MELTF: variants seen among roughly 807,000 people sequenced by gnomAD.
The protein encoded by MELTF is antigen p97 (melanoma associated) identified by monoclonal antibodies 133.2 and 96.5.
MELTF carries 67 observed loss-of-function variants against 83.7 expected under a neutral mutation model. The observed-to-expected ratio is 0.80, with a 90% confidence interval of 0.66 to 0.98. The LOEUF is 0.98. MELTF is among the 50% of genes least tolerant of loss of function. MELTF has a pLI of 0.00. For missense variants in MELTF, 1,002 were observed against 1,035.6 expected (o/e 0.97, Z 0.44); for synonymous variants, 462 against 447.6 (o/e 1.03, Z -0.41).
At chr3:197,013,915 G>A (rs962427460) in intron 9 of MELTF, among the ~76,000 whole-genome samples, 6 of 152,218 alleles carry the variant, frequency 3.9e-5, no homozygotes, top group East Asian at 1.9e-4. Flanking sequence ...ATGTAAACCC[G>A]GACAGCCGCT....
chr3:197,001,783 C>T lies in MELTF; in HGVS notation c.*1589G>A, dbSNP rs919915049. On this transcript the variant is annotated 3_prime_UTR_variant, in exon 16 of 16. Coordinates refer to ENST00000296350, the MANE Select transcript of MELTF (RefSeq NM_005929.6). ...CCTCTGCATGTGCTGGCTTGTTTGG[C>T]TTTATTTTAGAAACCAACCAACATG... is the stretch of plus-strand genomic sequence containing the variant. 1.3e-5 allele frequency: 2 copies of T among 152,032 alleles called. No individual in the cohort carries two copies. Among genetic ancestry groups the T allele is most frequent in the South Asian group, 4.2e-4 (2 of 4,818 alleles). The allele number at this position is 152,032 out of a possible 1,614,324, so 9.4% of individuals were successfully genotyped here.
chr3:197,021,320 C>A (rs1719613421), intron 6 of MELTF, 84 bp downstream of exon 6: 1 of 1,369,120 alleles, frequency 7.3e-7, no homozygotes, highest in East Asian at 2.3e-5. Context: ...CGTTTGATCC[C>A]AACTCTGCCA....
intron 9 of MELTF, 141 bp from the exon 10 acceptor site, chr3:197,010,935 G>A (rs893166150): frequency 2.8e-6 from 2 of 706,714 alleles, no homozygotes; most frequent in Non-Finnish European, 4.9e-6. Flanking sequence ...TGGGTGGGGA[G>A]TACCCCATCC....
At position 197,029,530 on chromosome 3, in the gene MELTF, C is replaced by T. The variant is rs1577952848; in HGVS notation, c.49+124G>A. ...GTCCTCACTCGACCCCGAGCCCCTG[C>T]CTCCCCCGTCTCACTGCCCCGGAGC... On this transcript the variant is annotated intron_variant, in intron 1 of 15. Transcript: ENST00000296350. The surrounding 1 kb of genome is among the most constrained non-coding windows in gnomAD (Gnocchi z 6.5). The T allele has an allele frequency of 2.7e-6, 2 of 729,678 alleles. No homozygotes were observed. Among genetic ancestry groups the T allele is most frequent in the East Asian group, 3.4e-5 (1 of 29,200 alleles). 45.2% of individuals were successfully genotyped at this position (729,678 alleles called of 1,614,324 possible). A position where few individuals can be genotyped will look rare whatever the true frequency, so the allele number is the denominator to read the frequency against.
In MELTF at chr3:197,008,645, G is replaced by T; in HGVS notation, c.1750+12C>A. 6.2e-7 allele frequency: 1 copy of T among 1,612,796 alleles called. No individual in the cohort carries two copies. The highest frequency in any genetic ancestry group is 1.7e-5 in the Admixed American group (1 of 59,876). On this transcript the variant is annotated intron_variant, in intron 13 of 15. Transcript: ENST00000296350. This position sits in a 1 kb window ranked among gnomAD's most constrained non-coding sequence, Gnocchi z 5.4. ...CCGACCTACCTTTGGCCCTGCTCTT[G>T]CCCCCACCTACCGTTTGTGTTGTCA...
At position 197,006,977 on chromosome 3, in the gene MELTF, T is replaced by C. The variant is rs1719005789; in HGVS notation, c.1751-241A>G. 1.3e-5 allele frequency among the ~76,000 whole-genome samples: 2 copies of C among 152,206 alleles called. No individual in the cohort carries two copies. Among genetic ancestry groups the C allele is most frequent in the Admixed American group, 1.3e-4 (2 of 15,286 alleles). On this transcript the variant is annotated intron_variant, in intron 13 of 15. Transcript: ENST00000296350. This position sits in a 1 kb window ranked among gnomAD's most constrained non-coding sequence, Gnocchi z 5.4. ...AGCAGGGAGTAGGGAGTACCTACTATGTGACAAGTACTTTACACGCGTTGC... is the reference window on the plus strand; with the variant it reads ...AGCAGGGAGTAGGGAGTACCTACTACGTGACAAGTACTTTACACGCGTTGC...
chr3:197,027,370 G>A (rs1362635637), intron 2 of MELTF, among the ~76,000 whole-genome samples: 1 of 152,230 alleles, frequency 6.6e-6, no homozygotes, highest in Non-Finnish European at 1.5e-5. Flanking sequence ...ACCCACCTGG[G>A]AGTCCAGCCC....
rs183849405 is a variant in MELTF at position 197,007,402 on chromosome 3, C to T, written c.1751-666G>A. Among the ~76,000 whole-genome samples the T allele has an allele frequency of 2.4e-3, 359 of 152,314 alleles. 2 individuals are homozygous for T. Among genetic ancestry groups the T allele is most frequent in the African/African-American group, 8.1e-3 (337 of 41,552 alleles). On this transcript the variant is annotated intron_variant, in intron 13 of 15. Transcript: ENST00000296350. The surrounding 1 kb of genome is among the most constrained non-coding windows in gnomAD (Gnocchi z 4.3). Reference sequence around the variant, plus strand: ...CTCTGTGCATTCACTTAGTATCCATCCTCCTCCCATTTCCAGGAAATCCAG... The same window carrying T: ...CTCTGTGCATTCACTTAGTATCCATTCTCCTCCCATTTCCAGGAAATCCAG...
rs776410241 is a variant in MELTF, at chr3:197,003,919, G to A, written c.2119C>T (p.Gln707Ter). ...YVAALEGMSS[Q>*]QCSGAAAPAP... Reference sequence around the variant, plus strand: ...GTCCTACCTGCGCCCGAGCACTGCTGAGACGACATCCCTTCCAGCGCCGCC... The same window carrying A: ...GTCCTACCTGCGCCCGAGCACTGCTAAGACGACATCCCTTCCAGCGCCGCC... Residue 707 changes from glutamine (Q) to a stop codon, truncating the protein, a stop_gained, in exon 15 of 16, where the codon CAG becomes TAG. Coordinates refer to ENST00000296350, the MANE Select transcript of MELTF (RefSeq NM_005929.6). LOFTEE classifies it low-confidence loss of function (END_TRUNC). This position sits in a 1 kb window ranked among gnomAD's most constrained non-coding sequence, Gnocchi z 6.2. The A allele has an allele frequency of 5.0e-6, 8 of 1,613,820 alleles. No homozygotes were observed. Among genetic ancestry groups the A allele is most frequent in the Non-Finnish European group, 6.8e-6 (8 of 1,179,968 alleles).
Position 197,023,106 on chromosome 3 carries a change from G to A in MELTF, c.495C>T (p.Ser165=), listed in dbSNP as rs367779137. 6.2e-6 allele frequency: 10 copies of A among 1,613,466 alleles called. No homozygotes were observed. In the African/African-American group the frequency reaches 8.0e-5, roughly 13 times the overall value. The change falls in exon 5 of 16, where the codon AGC becomes AGT. Residue 165 remains serine, a synonymous_variant. Coordinates refer to ENST00000296350, the MANE Select transcript of MELTF (RefSeq NM_005929.6). ...VMGCDVLKAV[S]DYFGGSCVPG... The stretch of plus-strand genomic sequence containing the variant: ...GGACGCAGCTGCCCCCAAAATAGTC[G>A]CTGACAGCTGTGGGAAGGAGGTAGA...
Position 197,003,679 on chromosome 3 carries a change from G to A in MELTF, c.2137+222C>T. ...TCCTCCCCGCGCCGCCGTTTTGAGC[G>A]TTCACACTCATTACCCAGGTCCGTC... On this transcript the variant is annotated intron_variant, in intron 15 of 15. Transcript: ENST00000296350. The surrounding 1 kb of genome is among the most constrained non-coding windows in gnomAD (Gnocchi z 6.2). The A allele has an allele frequency of 1.5e-6, 1 of 667,986 alleles. No homozygotes were observed. Among genetic ancestry groups the A allele is most frequent in the Non-Finnish European group, 2.5e-6 (1 of 401,520 alleles). The allele number at this position is 667,986 out of a possible 1,614,324, so 41.4% of individuals were successfully genotyped here.
At chr3:197,019,692 C>T (rs768294207) in intron 6 of MELTF, 44 of 1,613,890 alleles carry the variant, frequency 2.7e-5, no homozygotes, top group Non-Finnish European at 3.2e-5. Context: ...GAGCCCATTT[C>T]CAGGCTTGCC....
chr3:197,005,205 G>T (rs1290699444), intron 14 of MELTF, among the ~76,000 whole-genome samples: 2 of 152,188 alleles, frequency 1.3e-5, no homozygotes, highest in African/African-American at 2.4e-5. Context: ...ACAACCAATG[G>T]GATCTGCTGA....
At chr3:197,026,514 A>C in intron 3 of MELTF, 146 bp downstream of exon 3, 1 of 657,582 alleles carries the variant, frequency 1.5e-6, no homozygotes, top group Non-Finnish European at 2.7e-6. Context: ...AATTTGAGAG[A>C]GCCTTAGGGC....
At position 197,016,474 on chromosome 3, in the gene MELTF, C is replaced by G. The variant is rs868281600; in HGVS notation, c.901-105G>C. The G allele has an allele frequency of 1.4e-5, 15 of 1,087,920 alleles. No individual in the cohort carries two copies. The Middle Eastern group carries it at 1.3e-3, about 97-fold the overall frequency. The allele number at this position is 1,087,920 out of a possible 1,614,324, so 67.4% of individuals were successfully genotyped here. On this transcript the variant is annotated intron_variant, in intron 7 of 15. Transcript: ENST00000296350. ...CCTTCTTCCCCGACCTCAGACCAGG[C>G]ACCCACCCTGAGGGCCAGGTGAGGC...
intron 9 of MELTF, among the ~76,000 whole-genome samples, chr3:197,012,914 T>C (rs145195479): frequency 2.3e-4 from 35 of 152,378 alleles, no homozygotes; most frequent in African/African-American, 8.2e-4. Context: ...GTGTCATATC[T>C]CTGTATATAA....
chr3:197,004,093 A>T lies in MELTF; in HGVS notation c.1945T>A (p.Phe649Ile), dbSNP rs1347786767. ...YGLLDKAQDL[F>I]GDDHNKNGFK... Reference sequence around the variant, plus strand: ...CCGTTCTTATTGTGGTCGTCTCCAAACAGGTCCTGGAAGCACCGCAGGCAG... The same window carrying T: ...CCGTTCTTATTGTGGTCGTCTCCAATCAGGTCCTGGAAGCACCGCAGGCAG... Residue 649 changes from phenylalanine to isoleucine, a missense_variant, in exon 15 of 16, where the codon TTT becomes ATT. Phe to Ile is a conservative substitution (Grantham distance 21). Coordinates refer to ENST00000296350, the MANE Select transcript of MELTF (RefSeq NM_005929.6). The T allele has an allele frequency of 6.2e-7, 1 of 1,614,096 alleles. No individual in the cohort carries two copies. Among genetic ancestry groups the T allele is most frequent in the Admixed American group, 1.7e-5 (1 of 60,028 alleles).
chr3:197,024,612 G>A lies in MELTF; in HGVS notation c.305-127C>T. 3 of 664,326 alleles carry A rather than the reference G, an allele frequency of 4.5e-6. No homozygotes were observed. Among genetic ancestry groups the A allele is most frequent in the Non-Finnish European group, 7.0e-6 (3 of 427,790 alleles). 41.2% of individuals were successfully genotyped at this position (664,326 alleles called of 1,614,324 possible). ...AGCACGGCTGTACACACGGATGTGT[G>A]CATAGCGTTCTCGTTACCAAGAGAG... is the stretch of plus-strand genomic sequence containing the variant. On this transcript the variant is annotated intron_variant, in intron 3 of 15. Coordinates refer to ENST00000296350, the MANE Select transcript of MELTF (RefSeq NM_005929.6). The surrounding 1 kb of genome is among the most constrained non-coding windows in gnomAD (Gnocchi z 5.3).
Position 197,011,626 on chromosome 3 carries a change from C to G in MELTF, c.1234-832G>C, listed in dbSNP as rs192259254. Among the ~76,000 whole-genome samples, 1 of 152,080 alleles carries G rather than the reference C, an allele frequency of 6.6e-6. No individual in the cohort carries two copies. The highest frequency in any genetic ancestry group is 1.5e-5 in the Non-Finnish European group (1 of 67,986). On this transcript the variant is annotated intron_variant, in intron 9 of 15. Coordinates refer to ENST00000296350, the MANE Select transcript of MELTF (RefSeq NM_005929.6). This position sits in a 1 kb window ranked among gnomAD's most constrained non-coding sequence, Gnocchi z 4.2. Reference sequence around the variant, plus strand: ...TTTGGGGCCAGGAGGGTGCACAGCTCGGGGCCCTTTTTCCACCACTCAGAC... The same window carrying G: ...TTTGGGGCCAGGAGGGTGCACAGCTGGGGGCCCTTTTTCCACCACTCAGAC...
Sources: allele counts gnomAD v4.1 joint callset (sites outside exome capture counted in the v4.1 genomes callset), GRCh38; gene constraint gnomAD v4.1.1; non-coding constraint Gnocchi (gnomAD v3.1); transcripts MANE v1.5; gene names NCBI Gene and HGNC (gene_info 2026-07-23, HGNC 2026-07-21).